Variants in PIGG observed in about 807,000 individuals in gnomAD.
PIGG encodes the protein phosphatidylinositol glycan anchor biosynthesis class G (EMM blood group).
In PIGG, 70 loss-of-function variants were observed where a neutral mutation model predicts 83.2. That is an observed-to-expected ratio of 0.84 (90% CI 0.69 to 1.03). PIGG has a LOEUF of 1.03. PIGG is among the 50% of genes least tolerant of loss of function. PIGG has a pLI of 0.00. For synonymous variants in PIGG, 532 were observed against 519.5 expected (o/e 1.02, Z -0.33); for missense variants, 1,257 against 1,233.6 (o/e 1.02, Z -0.28).
At position 518,032 on chromosome 4, in the gene PIGG, G is replaced by A. The variant is rs527659962; in HGVS notation, c.1114+1847G>A. Among the ~76,000 whole-genome samples the A allele has an allele frequency of 9.9e-5, 15 of 152,180 alleles. No individual in the cohort carries two copies. The South Asian group carries it at 1.5e-3, about 15-fold the overall frequency. On this transcript the variant is annotated intron_variant, in intron 6 of 12. Coordinates refer to ENST00000453061, the MANE Select transcript of PIGG (RefSeq NM_001127178.3). ...ACAAGCTTGCGCTGAGATGTAAACC[G>A]GCCTCCTAGAGTCACGTGTGGAAGA...
In PIGG at chr4:506,866, G is replaced by C. The variant is rs1241312474; in HGVS notation, c.571-539G>C. 34 of 445,866 alleles carry C rather than the reference G, an allele frequency of 7.6e-5. No homozygotes were observed. In the Admixed American group the frequency reaches 8.0e-4, roughly 11 times the overall value. 27.6% of individuals were successfully genotyped at this position (445,866 alleles called of 1,614,324 possible). ...CATCCTGCTGGTTACTTTAACGCTG[G>C]GTACTGTCCTGTCTTTAATTAACTG... On this transcript the variant is annotated intron_variant, in intron 3 of 12. Coordinates refer to ENST00000453061, the MANE Select transcript of PIGG (RefSeq NM_001127178.3).
intron 7 of PIGG, 51 bp from the exon 8 acceptor site, chr4:521,609 G>A (rs528636470): frequency 1.3e-6 from 2 of 1,567,684 alleles, no homozygotes; most frequent in South Asian, 2.3e-5. Context: ...ATTTTTAAGT[G>A]GGTTTCTCCA....
chr4:523,646 AT>A lies in PIGG; in HGVS notation c.1803del (p.Asp601GlufsTer60), dbSNP rs1377893089. The A allele has an allele frequency of 6.2e-7, 1 of 1,614,068 alleles. No individual in the cohort carries two copies. The highest frequency in any genetic ancestry group is 8.5e-7 in the Non-Finnish European group (1 of 1,180,028). On this transcript the variant is annotated frameshift_variant, in exon 9 of 13. Coordinates refer to ENST00000453061, the MANE Select transcript of PIGG (RefSeq NM_001127178.3). LOFTEE classifies it high-confidence loss of function. ...QETYRNYFLG[D>X]DGEPPCGLCV... The stretch of plus-strand genomic sequence containing the variant: ...ACCTACAGAAACTACTTTCTGGGAG[AT>A]GACGGTGAGCCTCCGTGTGGCCTCT...
At chr4:499,567 C>T (rs771216237) in intron 1 of PIGG, 78 bp downstream of exon 1, 16 of 1,464,994 alleles carry the variant, frequency 1.1e-5, no homozygotes, top group Non-Finnish European at 1.3e-5. Flanking sequence ...CCTCGCTGCT[C>T]GGATTTCTTC....
rs1476105969 is a variant in PIGG at position 520,902 on chromosome 4, C to G, written c.1115-154C>G. On this transcript the variant is annotated intron_variant, in intron 6 of 12. Transcript: ENST00000453061. ...TTTACAGAAGGCGTTGCAGACCCCC[C>G]ACCCAAAGGAATGATTGATCTTCAT... 8.0e-6 allele frequency: 5 copies of G among 628,168 alleles called. No individual in the cohort carries two copies. In the East Asian group the frequency reaches 1.1e-4, roughly 14 times the overall value. The allele number at this position is 628,168 out of a possible 1,614,324, so 38.9% of individuals were successfully genotyped here.
chr4:521,063 G>C lies in PIGG; in HGVS notation c.1122G>C (p.Gly374=). ...TTTCTGTCTTCTTAATAGATCCTGGGTTTGAGCAGTTTAAAATGTCAGAAA... is the reference window on the plus strand; with the variant it reads ...TTTCTGTCTTCTTAATAGATCCTGGCTTTGAGCAGTTTAAAATGTCAGAAA... ...ENVPSYEKDP[G]FEQFKMSERL... The change falls in exon 7 of 13, where the codon GGG becomes GGC. Residue 374 remains glycine (G), a synonymous_variant. Coordinates refer to ENST00000453061, the MANE Select transcript of PIGG (RefSeq NM_001127178.3). 1 of 1,612,736 alleles carries C rather than the reference G, an allele frequency of 6.2e-7. No individual in the cohort carries two copies. Among genetic ancestry groups the C allele is most frequent in the Non-Finnish European group, 8.5e-7 (1 of 1,178,694 alleles).
intron 9 of PIGG, chr4:524,736 C>T (rs960992991): frequency 1.3e-5 from 2 of 151,920 alleles, no homozygotes; most frequent in African/African-American, 2.4e-5. Flanking sequence ...TGCAGTGGCA[C>T]GATCTTGGCT....
intron 2 of PIGG, among the ~76,000 whole-genome samples, chr4:503,454 G>A (rs1553876954): frequency 1.3e-5 from 2 of 152,100 alleles, no homozygotes; most frequent in African/African-American, 4.8e-5. Context: ...GTGTTCCCTT[G>A]CCCTTCATCC....
chr4:522,106 C>G (rs1726137244), intron 8 of PIGG, 165 bp downstream of exon 8: 2 of 714,166 alleles, frequency 2.8e-6, no homozygotes, highest in East Asian at 2.7e-5. Flanking sequence ...GTGGAGCAGC[C>G]TTATCCCAGG....
In PIGG at chr4:499,472, C is replaced by T. The variant is rs538505353; in HGVS notation, c.137C>T (p.Ala46Val). Residue 46 changes from alanine to valine, a missense_variant, in exon 1 of 13, where the codon GCG becomes GTG. Coordinates refer to ENST00000453061, the MANE Select transcript of PIGG (RefSeq NM_001127178.3). The part of the protein sequence containing the change: ...ARAEHGAEPP[A>V]PEPSAGASSN... ...GCGGAACACGGAGCGGAGCCCCCAG[C>T]GCCCGAACCCTCGGCTGGTACGGAC... 3 of 1,599,550 alleles carry T rather than the reference C, an allele frequency of 1.9e-6. No homozygotes were observed. The highest frequency in any genetic ancestry group is 2.7e-5 in the African/African-American group (2 of 74,934).
Position 508,953 on chromosome 4 carries a change from C to G in PIGG, c.884C>G (p.Ala295Gly), listed in dbSNP as rs1294170424. The G allele has an allele frequency of 6.2e-7, 1 of 1,611,866 alleles. No individual in the cohort carries two copies. Among genetic ancestry groups the G allele is most frequent in the African/African-American group, 1.3e-5 (1 of 74,822 alleles). ...ACACCTCTGATTTTAATCAGTTCTG[C>G]GTTTGAAAGGAAACCCGGTGAGAAT... Reference protein sequence around the residue: ...VNTPLILISSAFERKPGDIRH... With the variant: ...VNTPLILISSGFERKPGDIRH... Residue 295 changes from alanine to glycine, a missense_variant, in exon 5 of 13, where the codon GCG becomes GGG. Coordinates refer to ENST00000453061, the MANE Select transcript of PIGG (RefSeq NM_001127178.3).
chr4:537,343 C>G (rs1172811534), intron 12 of PIGG: 1 of 152,190 alleles, frequency 6.6e-6, no homozygotes, highest in Non-Finnish European at 1.5e-5. Flanking sequence ...GTGGTGGGAA[C>G]AGCAAGCCGC....
intron 3 of PIGG, 119 bp downstream of exon 3, chr4:506,046 G>T: frequency 1.4e-6 from 1 of 694,438 alleles, no homozygotes; most frequent in East Asian, 2.7e-5. Flanking sequence ...AATTTATAGG[G>T]AGTACTATGG....
rs1402908422 is a variant in PIGG, at chr4:523,726, T to C, written c.1882T>C (p.Cys628Arg). 1 of 1,614,180 alleles carries C rather than the reference T, an allele frequency of 6.2e-7. No individual in the cohort carries two copies. The highest frequency in any genetic ancestry group is 8.5e-7 in the Non-Finnish European group (1 of 1,180,032). Residue 628 changes from cysteine to arginine, a missense_variant, in exon 9 of 13, where the codon TGT (cysteine) becomes CGT (arginine). Coordinates refer to ENST00000453061, the MANE Select transcript of PIGG (RefSeq NM_001127178.3). ...ATAAWQDGPGCDVLERDKGHG... is the reference protein window; with the variant it reads ...ATAAWQDGPGRDVLERDKGHG... ...AGCAGCGTGGCAGGACGGGCCTGGCTGTGATGTCCTGGAGCGAGACAAAGG... is the reference window on the plus strand; with the variant it reads ...AGCAGCGTGGCAGGACGGGCCTGGCCGTGATGTCCTGGAGCGAGACAAAGG...
intron 9 of PIGG, 157 bp from the exon 10 acceptor site, chr4:526,881 GA>G (rs985362251): frequency 1.0e-4 from 88 of 859,964 alleles, no homozygotes; most frequent in Non-Finnish European, 1.5e-4. Flanking sequence ...TACACTTTAA[GA>G]ACCTTTGTTT....
intron 10 of PIGG, chr4:527,928 T>C (rs1007803111): frequency 2.0e-6 from 2 of 985,210 alleles, no homozygotes; most frequent in African/African-American, 3.5e-5. Context: ...ATCTCAAGAA[T>C]ATAAGCAGAG....
chr4:514,667 A>G (rs764848760), intron 5 of PIGG, among the ~76,000 whole-genome samples: 1 of 152,160 alleles, frequency 6.6e-6, no homozygotes, highest in Admixed American at 6.5e-5. Context: ...GTTTGTATCG[A>G]TTCACCTTCA....
chr4:513,705 G>C lies in PIGG; in HGVS notation c.902-2268G>C, dbSNP rs185653058. 3.2e-3 allele frequency among the ~76,000 whole-genome samples: 494 copies of C among 152,288 alleles called. 2 individuals carry two copies. The highest frequency in any genetic ancestry group is 0.011 in the African/African-American group (453 of 41,538). On this transcript the variant is annotated intron_variant, in intron 5 of 12. Coordinates refer to ENST00000453061, the MANE Select transcript of PIGG (RefSeq NM_001127178.3). Reference sequence around the variant, plus strand: ...ACCGGCGGTGAAAGGATGCTGCTGGGCTGTGGGAATGGTTTTCTGAAGTGC... The same window carrying C: ...ACCGGCGGTGAAAGGATGCTGCTGGCCTGTGGGAATGGTTTTCTGAAGTGC...
chr4:500,671 T>C (rs1717348063), intron 2 of PIGG, 70 bp downstream of exon 2: 1 of 992,904 alleles, frequency 1.0e-6, no homozygotes. Flanking sequence ...GTCTCTGTAG[T>C]CTTTCGCTTG....
Sources: allele counts gnomAD v4.1 joint callset (sites outside exome capture counted in the v4.1 genomes callset), GRCh38; gene constraint gnomAD v4.1.1; transcripts MANE v1.5; gene names NCBI Gene and HGNC (gene_info 2026-07-23, HGNC 2026-07-21).